The following NEDD4L variants were observed in gnomAD, a reference collection of about 807,000 sequenced individuals.
NEDD4L encodes the protein E3 ubiquitin-protein ligase NEDD4-like.
A neutral mutation model predicts 148.9 loss-of-function variants in NEDD4L; 54 were observed. The observed-to-expected ratio is 0.36, with a 90% CI of 0.29 to 0.45. NEDD4L has a LOEUF of 0.45. Among genes scored for constraint, NEDD4L ranks in the 20% least tolerant of loss-of-function variants. NEDD4L has a pLI of 1.00. For missense variants in NEDD4L, 856 were observed against 1,233.8 expected, an observed-to-expected ratio of 0.69 and a Z score of 4.59; for synonymous variants, 433 against 440.7, an observed-to-expected ratio of 0.98 and a Z score of 0.22.
chr18:58,180,719 A>G (rs1013608191), intron 2 of NEDD4L, among the ~76,000 whole-genome samples: 26 of 152,236 alleles, frequency 1.7e-4, no homozygotes, highest in African/African-American at 5.5e-4. Context: ...TTTTAATAAT[A>G]TAAAAGTCCT....
intron 1 of NEDD4L, chr18:58,046,321 A>G (rs2081582135): frequency 2.0e-5 from 3 of 149,060 alleles, no homozygotes; most frequent in African/African-American, 7.4e-5. Context: ...TTCTCCATTT[A>G]ATTAGTGGCA....
chr18:58,351,277 G>A (rs538751925), intron 18 of NEDD4L: 30 of 680,624 alleles, frequency 4.4e-5, no homozygotes, highest in Non-Finnish European at 4.5e-5. Flanking sequence ...ACCTATTAAC[G>A]TGTTTTTTTT....
chr18:58,086,666 C>G (rs536945542), intron 1 of NEDD4L, among the ~76,000 whole-genome samples: 2 of 152,238 alleles, frequency 1.3e-5, no homozygotes, highest in African/African-American at 4.8e-5. Context: ...TGACTTTCTT[C>G]ACTATTTTCT....
At chr18:58,300,807 T>C (rs193091663) in intron 5 of NEDD4L, among the ~76,000 whole-genome samples, 10 of 152,328 alleles carry the variant, frequency 6.6e-5, no homozygotes, top group Admixed American at 5.9e-4. Context: ...TGTGTGCAGC[T>C]CTGTCTGCTT....
At chr18:58,183,963 A>G (rs1017272554) in intron 2 of NEDD4L, among the ~76,000 whole-genome samples, 1 of 152,154 alleles carries the variant, frequency 6.6e-6, no homozygotes, top group Admixed American at 6.6e-5. Flanking sequence ...AGGTCAGGAG[A>G]TCAAGGCCAT....
intron 2 of NEDD4L, among the ~76,000 whole-genome samples, chr18:58,184,085 C>T (rs1031920982): frequency 2.6e-5 from 4 of 152,094 alleles, no homozygotes; most frequent in South Asian, 2.1e-4. Context: ...AGGAGAATGG[C>T]GAGAACCTGG....
intron 2 of NEDD4L, among the ~76,000 whole-genome samples, chr18:58,174,210 C>T (rs77839521): frequency 6.6e-6 from 1 of 151,824 alleles, no homozygotes; most frequent in African/African-American, 2.4e-5. Flanking sequence ...CTCTCCTTCC[C>T]GTGTGGCTGG....
intron 1 of NEDD4L, chr18:58,045,231 G>A (rs2081521245): frequency 2.5e-6 from 1 of 397,936 alleles, no homozygotes; most frequent in East Asian, 3.6e-5. Flanking sequence ...GGGAATGGGG[G>A]ACACGCTGCG....
chr18:58,277,478 T>C (rs922082401), intron 5 of NEDD4L, among the ~76,000 whole-genome samples: 7 of 151,876 alleles, frequency 4.6e-5, no homozygotes, highest in African/African-American at 1.7e-4. Flanking sequence ...GTGCATGTGG[T>C]AGATCTTGAC....
In NEDD4L at chr18:58,330,982, A is replaced by G. The variant is rs2304021; in HGVS notation, c.990+68A>G. On this transcript the variant is annotated intron_variant, in intron 11 of 30. Transcript: ENST00000400345. ...TATTGTTTTTTGTTGCTTAAGGAGA[A>G]TCTCTTACGTAAATAGTGACCAAGG... 1,476 of 1,501,930 alleles carry G rather than the reference A, an allele frequency of 9.8e-4. 26 individuals are homozygous for G. The East Asian group carries it at 0.026, about 26-fold the overall frequency. The allele number at this position is 1,501,930 out of a possible 1,614,324, so 93.0% of individuals were successfully genotyped here.
intron 1 of NEDD4L, among the ~76,000 whole-genome samples, chr18:58,072,240 A>G (rs1450099331): frequency 6.6e-6 from 1 of 152,220 alleles, no homozygotes; most frequent in East Asian, 1.9e-4. Flanking sequence ...TTTATAATTA[A>G]CCTGATACCA....
chr18:58,195,847 G>A, intron 2 of NEDD4L: 1 of 563,350 alleles, frequency 1.8e-6, no homozygotes. Flanking sequence ...GCAGGATTAG[G>A]GGGATTATTT....
intron 2 of NEDD4L, among the ~76,000 whole-genome samples, chr18:58,239,119 G>T (rs561709813): frequency 3.3e-5 from 5 of 152,282 alleles, no homozygotes; most frequent in African/African-American, 1.2e-4. Flanking sequence ...ACTTTCTGTG[G>T]GTTAGCTAAA....
At chr18:58,207,488 T>C (rs1568387647) in intron 2 of NEDD4L, among the ~76,000 whole-genome samples, 1 of 104,794 alleles carries the variant, frequency 9.5e-6, no homozygotes, top group Non-Finnish European at 2.5e-5. Context: ...CCTACAGGGT[T>C]GTTAACCTCT....
intron 2 of NEDD4L, among the ~76,000 whole-genome samples, chr18:58,222,415 A>G (rs1599867491): frequency 6.6e-6 from 1 of 152,310 alleles, no homozygotes; most frequent in African/African-American, 2.4e-5. Flanking sequence ...ACTAAATTTT[A>G]TTATATTTTT....
At chr18:58,137,167 C>G (rs2032942839) in intron 1 of NEDD4L, among the ~76,000 whole-genome samples, 1 of 152,194 alleles carries the variant, frequency 6.6e-6, no homozygotes, top group African/African-American at 2.4e-5. Flanking sequence ...CGCAGGGTTT[C>G]CTCTAGGCTG....
chr18:58,344,867 TTAGTGTA>T (rs1416255700), intron 16 of NEDD4L, among the ~76,000 whole-genome samples: 1 of 152,184 alleles, frequency 6.6e-6, no homozygotes, highest in East Asian at 1.9e-4. Flanking sequence ...AGTAGATGGA[TTAGTGTA>T]AGGAGCCACT....
chr18:58,143,649 G>A lies in NEDD4L; in HGVS notation c.49-22139G>A, dbSNP rs949357628. Among the ~76,000 whole-genome samples the A allele has an allele frequency of 3.3e-5, 5 of 152,186 alleles. No homozygotes were observed. In the East Asian group the frequency reaches 5.8e-4, roughly 18 times the overall value. ...TAAACACATGACCTGTGCCCGTCCC[G>A]TGTTCTTCGTCCATGTCCCCAGAGA... is the stretch of plus-strand genomic sequence containing the variant. On this transcript the variant is annotated intron_variant, in intron 1 of 30. Coordinates refer to ENST00000400345, the MANE Select transcript of NEDD4L (RefSeq NM_001144967.3).
At chr18:58,386,922 G>A (rs1050629377) in intron 26 of NEDD4L, among the ~76,000 whole-genome samples, 16 of 152,308 alleles carry the variant, frequency 1.1e-4, no homozygotes, top group Admixed American at 3.9e-4. Context: ...CTTCAGAAAC[G>A]CGGCGTTCGC....
Sources: allele counts gnomAD v4.1 joint callset (sites outside exome capture counted in the v4.1 genomes callset), GRCh38; gene constraint gnomAD v4.1.1; transcripts MANE v1.5; gene names NCBI Gene and HGNC (gene_info 2026-07-23, HGNC 2026-07-21).